Variants in ADGRL2 observed in about 807,000 individuals in gnomAD.
ADGRL2 encodes calcium-independent alpha-latrotoxin receptor 2.
ADGRL2 carries 44 observed loss-of-function variants against 157.4 expected under a neutral mutation model. That is an observed-to-expected ratio of 0.28 (90% CI 0.22 to 0.36). The LOEUF is 0.36. Ranked by LOEUF, ADGRL2 falls within the 10% of genes least tolerant of loss-of-function variation. ADGRL2 has a pLI of 1.00. For synonymous variants in ADGRL2, 585 were observed against 624.7 expected (o/e 0.94, Z 0.95); for missense variants, 1,510 against 1,768.9 (o/e 0.85, Z 2.63).
chr1:81,353,172 A>G (rs2100847753), intron 1 of ADGRL2, among the ~76,000 whole-genome samples: 1 of 151,732 alleles, frequency 6.6e-6, no homozygotes, highest in South Asian at 2.1e-4. Flanking sequence ...TCTCTTCCAG[A>G]CCCTTACATG....
chr1:81,755,698 G>T (rs1498206), intron 1 of ADGRL2, among the ~76,000 whole-genome samples: 1 of 151,558 alleles, frequency 6.6e-6, no homozygotes, highest in Admixed American at 6.6e-5. Flanking sequence ...AGCTGGTTTT[G>T]CTATTCTACA....
chr1:81,896,568 TTAATA>T (rs974354228), intron 2 of ADGRL2, among the ~76,000 whole-genome samples: 19 of 152,252 alleles, frequency 1.2e-4, no homozygotes, highest in African/African-American at 3.8e-4. Context: ...ACTCAAAACT[TTAATA>T]TATATATAAA....
intron 2 of ADGRL2, among the ~76,000 whole-genome samples, chr1:81,516,566 A>G (rs558603811): frequency 6.6e-6 from 1 of 152,362 alleles, no homozygotes; most frequent in African/African-American, 2.4e-5. Context: ...TGATCATCTG[A>G]CAAAATAATA....
intron 1 of ADGRL2, among the ~76,000 whole-genome samples, chr1:81,308,806 T>A (rs980069937): frequency 1.3e-5 from 2 of 152,148 alleles, no homozygotes; most frequent in Non-Finnish European, 2.9e-5. Flanking sequence ...CAAAATAAAA[T>A]GGTCACAGCC....
intron 1 of ADGRL2, among the ~76,000 whole-genome samples, chr1:81,716,726 T>C (rs1267830574): frequency 6.6e-6 from 1 of 152,030 alleles, no homozygotes; most frequent in East Asian, 1.9e-4. Flanking sequence ...AAAAGGAGCA[T>C]AAAAGGGTAA....
At chr1:81,633,720 T>G (rs569039408) in intron 3 of ADGRL2, among the ~76,000 whole-genome samples, 1 of 152,232 alleles carries the variant, frequency 6.6e-6, no homozygotes, top group South Asian at 2.1e-4. Flanking sequence ...GTTGCCATCT[T>G]AGATTCCTCT....
chr1:81,348,943 A>G (rs10782753), intron 1 of ADGRL2, among the ~76,000 whole-genome samples: 92,432 of 152,080 alleles, frequency 0.61, 28,593 homozygotes, highest in Middle Eastern at 0.71. Context: ...GATTTTAAGA[A>G]AAAATATATA....
intron 2 of ADGRL2, among the ~76,000 whole-genome samples, chr1:81,567,868 T>C (rs1023777165): frequency 6.6e-6 from 1 of 152,146 alleles, no homozygotes; most frequent in African/African-American, 2.4e-5. Context: ...ATGATTCCAA[T>C]AGTTTATTCC....
chr1:81,909,014 A>G (rs1410950177), intron 3 of ADGRL2, among the ~76,000 whole-genome samples: 2 of 151,930 alleles, frequency 1.3e-5, no homozygotes, highest in Non-Finnish European at 2.9e-5. Flanking sequence ...AGCTGGGATT[A>G]CAGGTGCAAG....
At chr1:81,510,416 T>C (rs1179030802) in intron 2 of ADGRL2, among the ~76,000 whole-genome samples, 1 of 151,978 alleles carries the variant, frequency 6.6e-6, no homozygotes, top group Non-Finnish European at 1.5e-5. Context: ...AAAACAAAAT[T>C]CCTTATTAGA....
In ADGRL2 at chr1:81,726,684, C is replaced by T. The variant is rs185327283; in HGVS notation, c.-143+26876C>T. ...GTAAAAGTAGCACATGTTCACTATA[C>T]GTACTCTAAAACTTCAACTTTTTAT... is the stretch of plus-strand genomic sequence containing the variant. On this transcript the variant is annotated intron_variant, in intron 1 of 20. Transcript: ENST00000359929. Among the ~76,000 whole-genome samples the T allele has an allele frequency of 5.9e-5, 9 of 152,268 alleles. No homozygotes were observed. The East Asian group carries it at 9.6e-4, about 16-fold the overall frequency.
intron 3 of ADGRL2, among the ~76,000 whole-genome samples, chr1:81,935,930 T>C (rs1406205188): frequency 1.3e-5 from 2 of 151,902 alleles, no homozygotes; most frequent in African/African-American, 4.8e-5. Context: ...TAACAATAAT[T>C]AGAACATTCT....
At chr1:81,507,354 A>C (rs2078996443) in intron 2 of ADGRL2, among the ~76,000 whole-genome samples, 1 of 152,142 alleles carries the variant, frequency 6.6e-6, no homozygotes, top group Admixed American at 6.5e-5. Flanking sequence ...CTAATAAGAG[A>C]TTGATTTTAC....
At chr1:81,489,260 A>G (rs1448672932) in intron 2 of ADGRL2, among the ~76,000 whole-genome samples, 1 of 152,006 alleles carries the variant, frequency 6.6e-6, no homozygotes, top group Non-Finnish European at 1.5e-5. Flanking sequence ...ATAATAAAAT[A>G]AAATAGATGG....
rs560319132 is a variant in ADGRL2, at chr1:81,990,916, C to T, written c.4181C>T (p.Pro1394Leu). Residue 1394 changes from proline (P) to leucine (L), a missense_variant, in exon 24 of 24, where the codon CCG becomes CTG. This residue lies in a region of ADGRL2 where 327 missense variants were observed against 310.1 expected (regional missense o/e 1.05). Coordinates refer to ENST00000686636, the MANE Select transcript of ADGRL2 (RefSeq NM_001366006.2). ...CCCAATCTTAGAGACTCTCCCTATC[C>T]GGAGAGCAGCCCTGACATGGAAGAA... ...SMPNLRDSPY[P>L]ESSPDMEEDL... 104 of 1,613,750 alleles carry T rather than the reference C, an allele frequency of 6.4e-5. No individual in the cohort carries two copies. The highest frequency in any genetic ancestry group is 1.6e-4 in the Middle Eastern group (1 of 6,084).
At chr1:81,353,746 C>T (rs1570702060) in intron 1 of ADGRL2, among the ~76,000 whole-genome samples, 4 of 152,132 alleles carry the variant, frequency 2.6e-5, no homozygotes, top group Admixed American at 2.6e-4. Flanking sequence ...GAGTATGCCA[C>T]ATTTCAAGTG....
chr1:81,552,605 G>GAA (rs35795177), intron 2 of ADGRL2, among the ~76,000 whole-genome samples: 11,867 of 103,854 alleles, frequency 0.11, 673 homozygotes, highest in Non-Finnish European at 0.15. Context: ...ACTTTACTTA[G>GAA]AAAAAAAAAA....
chr1:81,808,430 A>G (rs749253649), intron 1 of ADGRL2, among the ~76,000 whole-genome samples: 2 of 151,666 alleles, frequency 1.3e-5, no homozygotes, highest in African/African-American at 2.4e-5. Context: ...TTTCTTGGTG[A>G]CTTTTGTTAG....
At chr1:81,503,490 A>G in intron 2 of ADGRL2, 3 of 1,609,424 alleles carry the variant, frequency 1.9e-6, no homozygotes, top group Non-Finnish European at 2.5e-6. Flanking sequence ...CCAGCTTTCC[A>G]CTTGCCACTC....
Sources: gnomAD v4.1 joint callset for allele counts (sites outside exome capture counted in the v4.1 genomes callset) on GRCh38, gnomAD v4.1.1 for gene constraint, gnomAD v4.1.1 regional missense constraint, MANE v1.5 for transcripts, NCBI Gene and HGNC (gene_info 2026-07-23, HGNC 2026-07-21) for gene names.